Variants in GRB14 observed in about 807,000 individuals in gnomAD.
GRB14 encodes the protein growth factor receptor bound protein 14, also known as growth factor receptor-bound protein 14.
In GRB14, 38 loss-of-function variants were observed where a neutral mutation model predicts 69.1. The observed-to-expected ratio is 0.55, with a 90% CI of 0.42 to 0.72. The LOEUF is 0.72. Among genes scored for constraint, GRB14 ranks in the 30% least tolerant of loss-of-function variants. The pLI is 0.00. For synonymous variants in GRB14, 247 were observed against 241.3 expected, an observed-to-expected ratio of 1.02 and a Z score of -0.22; for missense variants, 666 against 666.1, an observed-to-expected ratio of 1.00 and a Z score of 0.00.
chr2:164,511,788 T>G (rs1437981004), intron 6 of GRB14, among the ~76,000 whole-genome samples: 1 of 152,114 alleles, frequency 6.6e-6, no homozygotes. Flanking sequence ...GTATGTTCGA[T>G]GCTAGCTCGG....
rs10675642 is a variant in GRB14, at chr2:164,509,792, GAAAAAAAAAA to G, written c.817-950_817-941del. 7.4e-4 allele frequency among the ~76,000 whole-genome samples: 64 copies of G among 86,228 alleles called. 1 individual carries two copies. Among genetic ancestry groups the G allele is most frequent in the African/African-American group, 2.7e-3 (57 of 21,328 alleles). The allele number at this position is 86,228 out of a possible 152,430, so 56.6% of individuals were successfully genotyped here. On this transcript the variant is annotated intron_variant, in intron 6 of 13. Transcript: ENST00000263915. ...AAGCAGTAAAATTTGAGAAGCAGTGGAAAAAAAAAAAAAAAAAAAAACACCCCACAGAAGA... is the reference window on the plus strand; with the variant it reads ...AAGCAGTAAAATTTGAGAAGCAGTGGAAAAAAAAAAACACCCCACAGAAGA...
chr2:164,501,232 G>GT (rs1687044504), intron 9 of GRB14, among the ~76,000 whole-genome samples: 1 of 151,938 alleles, frequency 6.6e-6, no homozygotes, highest in Non-Finnish European at 1.5e-5. Context: ...TTAAAGTGAC[G>GT]TAACTACAAA....
intron 13 of GRB14, 75 bp downstream of exon 13, chr2:164,494,356 C>T: frequency 2.5e-6 from 2 of 797,438 alleles, no homozygotes; most frequent in Non-Finnish European, 4.3e-6. Flanking sequence ...TTTCCAAAAG[C>T]TTATGCATTA....
At chr2:164,527,757 T>C (rs1359090976) in intron 3 of GRB14, among the ~76,000 whole-genome samples, 3 of 152,166 alleles carry the variant, frequency 2.0e-5, no homozygotes, top group East Asian at 3.9e-4. Flanking sequence ...TATTTTGTAT[T>C]AACAATGAAG....
At chr2:164,551,311 C>T (rs751476516) in intron 2 of GRB14, among the ~76,000 whole-genome samples, 4 of 152,164 alleles carry the variant, frequency 2.6e-5, no homozygotes, top group Non-Finnish European at 4.4e-5. Flanking sequence ...TCCTTTTCTA[C>T]TGGACCTAAG....
intron 2 of GRB14, among the ~76,000 whole-genome samples, chr2:164,616,844 TCTC>T (rs1023959153): frequency 3.3e-5 from 5 of 152,132 alleles, no homozygotes; most frequent in African/African-American, 1.2e-4. Flanking sequence ...AGAGACATCT[TCTC>T]CTATAATATT....
intron 2 of GRB14, among the ~76,000 whole-genome samples, chr2:164,566,279 T>C (rs921720476): frequency 1.3e-5 from 2 of 152,152 alleles, no homozygotes; most frequent in African/African-American, 4.8e-5. Flanking sequence ...ATGGATGATT[T>C]TTAAATCAGA....
chr2:164,552,779 A>G (rs1490721707), intron 2 of GRB14, among the ~76,000 whole-genome samples: 7 of 152,138 alleles, frequency 4.6e-5, no homozygotes, highest in Non-Finnish European at 1.0e-4. Context: ...TCTTAAGGAT[A>G]TATCTTCAGT....
rs367745160 is a variant in GRB14 at position 164,612,855 on chromosome 2, C to T, written c.324+6832G>A. ...AGATAAAGCTTGGACTGCAAATGTA[C>T]CCTGCAAATTAACCAAAAATTAAAG... On this transcript the variant is annotated intron_variant, in intron 2 of 13. Transcript: ENST00000263915. 1.4e-4 allele frequency among the ~76,000 whole-genome samples: 21 copies of T among 152,146 alleles called. No individual in the cohort carries two copies. The South Asian group carries it at 3.9e-3, about 29-fold the overall frequency.
chr2:164,562,830 C>T (rs1688866432), intron 2 of GRB14, among the ~76,000 whole-genome samples: 1 of 152,186 alleles, frequency 6.6e-6, no homozygotes, highest in Non-Finnish European at 1.5e-5. Flanking sequence ...TGAACTCAAA[C>T]TCTGGGTTTC....
At chr2:164,529,476 T>G (rs898552430) in intron 3 of GRB14, among the ~76,000 whole-genome samples, 2 of 152,280 alleles carry the variant, frequency 1.3e-5, no homozygotes, top group East Asian at 3.9e-4. Context: ...TTCAAATGAC[T>G]TTTTCTTCCT....
At chr2:164,589,487 A>C (rs1689610016) in intron 2 of GRB14, among the ~76,000 whole-genome samples, 1 of 152,136 alleles carries the variant, frequency 6.6e-6, no homozygotes, top group Non-Finnish European at 1.5e-5. Context: ...GCTTCCACTA[A>C]TGGTGGAAGG....
intron 5 of GRB14, among the ~76,000 whole-genome samples, chr2:164,523,505 C>T (rs1687690189): frequency 6.6e-6 from 1 of 151,530 alleles, no homozygotes; most frequent in African/African-American, 2.4e-5. Flanking sequence ...TAGTGTAACA[C>T]ATTTTAAAAG....
intron 3 of GRB14, among the ~76,000 whole-genome samples, chr2:164,536,081 A>G (rs1240537041): frequency 6.6e-6 from 1 of 152,228 alleles, no homozygotes; most frequent in African/African-American, 2.4e-5. Context: ...ATCTGAGCAC[A>G]GCATGTGATT....
intron 2 of GRB14, among the ~76,000 whole-genome samples, chr2:164,574,742 A>G (rs1689211953): frequency 6.6e-6 from 1 of 151,984 alleles, no homozygotes; most frequent in South Asian, 2.1e-4. Context: ...GGAATTTGAG[A>G]TCAGCCTGGA....
At chr2:164,509,844 G>A (rs532121828) in intron 6 of GRB14, among the ~76,000 whole-genome samples, 24 of 147,274 alleles carry the variant, frequency 1.6e-4, no homozygotes, top group East Asian at 5.9e-4. Context: ...TGAGCAAAAC[G>A]GGCAACCCCA....
chr2:164,555,051 C>T lies in GRB14; in HGVS notation c.325-7235G>A, dbSNP rs140091752. On this transcript the variant is annotated intron_variant, in intron 2 of 13. Transcript: ENST00000263915. Reference sequence around the variant, plus strand: ...AGTCAAGTCAGTATGTATCACCTTGCTCCCAAAGCATACTTAGTATTTCTC... The same window carrying T: ...AGTCAAGTCAGTATGTATCACCTTGTTCCCAAAGCATACTTAGTATTTCTC... Among the ~76,000 whole-genome samples, 15 of 152,294 alleles carry T rather than the reference C, an allele frequency of 9.8e-5. 1 individual carries two copies. The East Asian group carries it at 2.7e-3, about 27-fold the overall frequency.
intron 2 of GRB14, among the ~76,000 whole-genome samples, chr2:164,607,253 T>A (rs1481771334): frequency 1.3e-5 from 2 of 152,216 alleles, no homozygotes; most frequent in East Asian, 3.9e-4. Flanking sequence ...TAACAATGAC[T>A]TCCCAGCTCT....
At chr2:164,579,653 C>T (rs1689346803) in intron 2 of GRB14, among the ~76,000 whole-genome samples, 3 of 152,236 alleles carry the variant, frequency 2.0e-5, no homozygotes, top group African/African-American at 7.2e-5. Context: ...AGAAAGTGCA[C>T]ACTTCACACA....
Sources: allele counts gnomAD v4.1 joint callset (sites outside exome capture counted in the v4.1 genomes callset), GRCh38; gene constraint gnomAD v4.1.1; transcripts MANE v1.5; gene names NCBI Gene and HGNC (gene_info 2026-07-23, HGNC 2026-07-21).